TMPRSS5: variants seen among roughly 807,000 people sequenced by gnomAD.
TMPRSS5 encodes the protein transmembrane protease serine 5.
Under a neutral mutation model 59.7 loss-of-function variants are expected in TMPRSS5, and 45 were observed. The ratio of observed to expected loss-of-function variants is 0.75; its 90% CI spans 0.59 to 0.97. The LOEUF is 0.97. Among genes scored for constraint, TMPRSS5 ranks in the 50% least tolerant of loss-of-function variants. The probability of loss-of-function intolerance (pLI) is 0.00; values close to 1 mark genes in which losing one functional copy is unlikely to be tolerated. For missense variants in TMPRSS5, 585 were observed against 596.7 expected (o/e 0.98, Z 0.20); for synonymous variants, 225 against 232.0 (o/e 0.97, Z 0.27).
intron 3 of TMPRSS5, among the ~76,000 whole-genome samples, chr11:113,699,272 C>CCTCTCTCTCTCTCTCT (rs550946661): frequency 4.2e-5 from 1 of 24,060 alleles, no homozygotes; most frequent in East Asian, 1.3e-3. Context: ...TCTCTCTCTC[C>CCTCTCTCTCTCTCTCT]CTCTCTCTCT....
chr11:113,699,838 G>C (rs1174173006), intron 2 of TMPRSS5, 145 bp from the exon 3 acceptor site: 9 of 1,384,848 alleles, frequency 6.5e-6, no homozygotes, highest in Non-Finnish European at 8.9e-6. Context: ...ATTAGGGAGG[G>C]AGTGGGGGCA....
chr11:113,689,752 C>G lies in TMPRSS5; in HGVS notation c.1359+13G>C. The stretch of plus-strand genomic sequence containing the variant: ...TAGAAATCTCCCTGCCCTACTCCTG[C>G]CCCCACACTCACCTGAGCAGTGTCA... On this transcript the variant is annotated intron_variant, in intron 12 of 12. Coordinates refer to ENST00000299882, the MANE Select transcript of TMPRSS5 (RefSeq NM_030770.4). 6.2e-7 allele frequency: 1 copy of G among 1,607,380 alleles called. No individual in the cohort carries two copies. The highest frequency in any genetic ancestry group is 8.5e-7 in the Non-Finnish European group (1 of 1,177,108).
rs1336178597 is a variant in TMPRSS5, at chr11:113,696,872, C to G, written c.564G>C (p.Glu188Asp). ...LSPRLGGFLE[E>D]AWQPRNNCTS... ...AGTAGTCCTACCTGGGCTGCCACGC[C>G]TCCTCCAGGAAGCCTCCCAGTCTAG... is the stretch of plus-strand genomic sequence containing the variant. Residue 188 changes from glutamate (E) to aspartate (D), a missense_variant, in exon 6 of 13, where the codon GAG becomes GAC. Transcript: ENST00000299882. 1 of 1,565,690 alleles carries G rather than the reference C, an allele frequency of 6.4e-7. No homozygotes were observed.
chr11:113,701,912 C>G (rs949149649), intron 1 of TMPRSS5, among the ~76,000 whole-genome samples: 1 of 152,018 alleles, frequency 6.6e-6, no homozygotes, highest in Non-Finnish European at 1.5e-5. Context: ...GTTTTAAGCC[C>G]TGTATGCATT....
In TMPRSS5 at chr11:113,704,553, C is replaced by T. The variant is rs184024653; in HGVS notation, c.3+1669G>A. Reference sequence around the variant, plus strand: ...TCTCCATCCTCACTGCCAGCACTTGCTCCCTCCACAGCAAAATTTGGGATC... The same window carrying T: ...TCTCCATCCTCACTGCCAGCACTTGTTCCCTCCACAGCAAAATTTGGGATC... On this transcript the variant is annotated intron_variant, in intron 1 of 12. Coordinates refer to ENST00000299882, the MANE Select transcript of TMPRSS5 (RefSeq NM_030770.4). Among the ~76,000 whole-genome samples the T allele has an allele frequency of 3.2e-3, 492 of 152,288 alleles. 9 individuals are homozygous for T. Among genetic ancestry groups the T allele is most frequent in the Non-Finnish European group, 9.0e-4 (61 of 68,024 alleles).
At chr11:113,693,027 T>G in intron 9 of TMPRSS5, 44 bp downstream of exon 9, 2 of 1,043,912 alleles carry the variant, frequency 1.9e-6, no homozygotes, top group Non-Finnish European at 2.8e-6. Flanking sequence ...CCGCCCTCTC[T>G]CGCCATAGTC....
At position 113,694,602 on chromosome 11, in the gene TMPRSS5, C is replaced by T. The variant is rs1447300206; in HGVS notation, c.661G>A (p.Gly221Arg). ...ARPLASRIVGGQSVAPGRWPW... is the reference protein window; with the variant it reads ...ARPLASRIVGRQSVAPGRWPW... ...CAGCGCCCAGGAGCCACAGACTGCC[C>T]ACCAACTATCCGGGAAGCCAGGGGC... is the stretch of plus-strand genomic sequence containing the variant. Residue 221 changes from glycine to arginine, a missense_variant, in exon 8 of 13, where the codon GGG (glycine) becomes AGG (arginine). Transcript: ENST00000299882. 6.4e-7 allele frequency: 1 copy of T among 1,552,568 alleles called. No homozygotes were observed. The highest frequency in any genetic ancestry group is 8.7e-7 in the Non-Finnish European group (1 of 1,148,176).
intron 12 of TMPRSS5, among the ~76,000 whole-genome samples, chr11:113,688,875 A>G (rs1952677924): frequency 6.6e-6 from 1 of 151,952 alleles, no homozygotes; most frequent in Non-Finnish European, 1.5e-5. Flanking sequence ...ATGTGTTTTT[A>G]TACACATTAT....
At position 113,694,614 on chromosome 11, in the gene TMPRSS5, G is replaced by A. The variant is rs750315828; in HGVS notation, c.649C>T (p.Arg217Trp). The change falls in exon 8 of 13, where the codon CGG (arginine) becomes TGG (tryptophan). Residue 217 changes from arginine (R) to tryptophan (W), a missense_variant. Coordinates refer to ENST00000299882, the MANE Select transcript of TMPRSS5 (RefSeq NM_030770.4). Reference protein sequence around the residue: ...SECGARPLASRIVGGQSVAPG... With the variant: ...SECGARPLASWIVGGQSVAPG... ...GCCACAGACTGCCCACCAACTATCC[G>A]GGAAGCCAGGGGCCTCGCTCCACAC... 22 of 1,549,848 alleles carry A rather than the reference G, an allele frequency of 1.4e-5. No homozygotes were observed. The highest frequency in any genetic ancestry group is 2.7e-5 in the African/African-American group (2 of 72,784).
At chr11:113,692,477 T>C (rs1027398160) in intron 9 of TMPRSS5, among the ~76,000 whole-genome samples, 1 of 152,166 alleles carries the variant, frequency 6.6e-6, no homozygotes, top group Admixed American at 6.5e-5. Flanking sequence ...TGTAGGTGAA[T>C]GCCCACATGC....
In TMPRSS5 at chr11:113,689,803, C is replaced by G. The variant is rs761616448; in HGVS notation, c.1321G>C (p.Val441Leu). 3.7e-6 allele frequency: 6 copies of G among 1,608,866 alleles called. No individual in the cohort carries two copies. The South Asian group carries it at 6.7e-5, about 18-fold the overall frequency. ...EPNHPGVYAK[V>L]AEFLDWIHDT... ...TGGATCCAGTCCAGAAACTCAGCTA[C>G]CTTGGCGTAGACACCTGGGTGATTG... The change falls in exon 12 of 13, where the codon GTA becomes CTA. Residue 441 changes from valine (V) to leucine (L), a missense_variant. Val to Leu is a conservative substitution (Grantham distance 32, BLOSUM62 1). Coordinates refer to ENST00000299882, the MANE Select transcript of TMPRSS5 (RefSeq NM_030770.4).
intron 1 of TMPRSS5, among the ~76,000 whole-genome samples, chr11:113,704,852 A>G (rs564359608): frequency 7.5e-6 from 1 of 133,754 alleles, no homozygotes; most frequent in East Asian, 2.6e-4. Flanking sequence ...CAGTTAAAGT[A>G]CATTAAAGGA....
At chr11:113,690,176 G>GGCCCCCCCCCCCCCCCCCCCCCC in intron 11 of TMPRSS5, 55 bp downstream of exon 11, 2 of 388,228 alleles carry the variant, frequency 5.2e-6, no homozygotes, top group African/African-American at 3.0e-5. Flanking sequence ...CAGGCCCCCT[G>GGCCCCCCCCCCCCCCCCCCCCCC]CCCTCCCACC....
intron 1 of TMPRSS5, among the ~76,000 whole-genome samples, chr11:113,705,223 G>A (rs536053635): frequency 5.3e-5 from 8 of 152,136 alleles, no homozygotes; most frequent in East Asian, 1.9e-4. Context: ...TTCTTTTCAC[G>A]CCAAAACCTC....
Position 113,690,232 on chromosome 11 carries a change from T to G in TMPRSS5, c.1205A>C (p.Gln402Pro). ...CACCCCAGCCACCACAGGCCACACCTGGCATGCATCAGCCCTTCCGTCCAG... is the reference window on the plus strand; with the variant it reads ...CACCCCAGCCACCACAGGCCACACCGGGCATGCATCAGCCCTTCCGTCCAG... ...GYLDGRADAC[Q>P]GDSGGPLVCP... Residue 402 changes from glutamine (Q) to proline (P), a missense_variant and splice_region_variant, in exon 11 of 13, where the codon CAG becomes CCG. By Grantham distance (76) the Gln-to-Pro change is moderately conservative (BLOSUM62 -1). Transcript: ENST00000299882. 1 of 1,286,036 alleles carries G rather than the reference T, an allele frequency of 7.8e-7. No homozygotes were observed. The highest frequency in any genetic ancestry group is 1.0e-6 in the Non-Finnish European group (1 of 990,152). The allele number at this position is 1,286,036 out of a possible 1,614,324, so 79.7% of individuals were successfully genotyped here.
At chr11:113,692,500 G>A (rs975960659) in intron 9 of TMPRSS5, among the ~76,000 whole-genome samples, 2 of 152,142 alleles carry the variant, frequency 1.3e-5, no homozygotes, top group Non-Finnish European at 2.9e-5. Flanking sequence ...GTGTGTGTCG[G>A]GGAGAGTGGC....
chr11:113,701,456 G>C (rs1410175698), intron 1 of TMPRSS5, among the ~76,000 whole-genome samples: 1 of 149,686 alleles, frequency 6.7e-6, no homozygotes, highest in Non-Finnish European at 1.5e-5. Context: ...CCCTGCCCTA[G>C]AGATCTGTGG....
At chr11:113,702,753 A>T (rs1374651280) in intron 1 of TMPRSS5, among the ~76,000 whole-genome samples, 1 of 152,206 alleles carries the variant, frequency 6.6e-6, no homozygotes, top group East Asian at 1.9e-4. Context: ...AGCCATGGCT[A>T]AAAGGGGACA....
chr11:113,698,623 C>G (rs560317666), intron 4 of TMPRSS5, among the ~76,000 whole-genome samples: 1 of 152,314 alleles, frequency 6.6e-6, no homozygotes, highest in African/African-American at 2.4e-5. Flanking sequence ...TCCCCCATGT[C>G]CCTGGCTCAC....
Sources: allele counts gnomAD v4.1 joint callset (sites outside exome capture counted in the v4.1 genomes callset), GRCh38; gene constraint gnomAD v4.1.1; transcripts MANE v1.5; gene names NCBI Gene and HGNC (gene_info 2026-07-23, HGNC 2026-07-21).